The following WSCD1 variants were observed in gnomAD, a reference collection of about 807,000 sequenced individuals.
The protein encoded by WSCD1 is sialate:O-sulfotransferase 1.
A neutral mutation model predicts 60.4 loss-of-function variants in WSCD1; 41 were observed. That is an observed-to-expected ratio of 0.68 (90% CI 0.53 to 0.88). WSCD1 has a LOEUF of 0.88. Ranked by LOEUF, WSCD1 falls within the 40% of genes least tolerant of loss-of-function variation. The pLI is 0.00. For missense variants in WSCD1, 784 were observed against 796.2 expected, an observed-to-expected ratio of 0.98 and a Z score of 0.18; for synonymous variants, 361 against 332.5, an observed-to-expected ratio of 1.09 and a Z score of -0.93.
At position 6,090,326 on chromosome 17, in the gene WSCD1, A is replaced by G; in HGVS notation, c.548A>G (p.Tyr183Cys). 6.3e-7 allele frequency: 1 copy of G among 1,594,584 alleles called. No homozygotes were observed. The highest frequency in any genetic ancestry group is 8.5e-7 in the Non-Finnish European group (1 of 1,171,682). The stretch of plus-strand genomic sequence containing the variant: ...CCCAGGCCTCCTCCCTGCAGGTCCT[A>G]TGTCTACGCCGGCTTGGAGGCCGGG... ...HCQDACAERSYVYAGLEAGAE... is the reference protein window; with the variant it reads ...HCQDACAERSCVYAGLEAGAE... The change falls in exon 4 of 9, where the codon TAT becomes TGT. Residue 183 changes from tyrosine to cysteine, a missense_variant. By Grantham distance (194) the Tyr-to-Cys change is radical. Transcript: ENST00000317744.
intron 2 of WSCD1, among the ~76,000 whole-genome samples, chr17:6,083,456 G>C (rs925961236): frequency 1.3e-5 from 2 of 152,200 alleles, no homozygotes; most frequent in Admixed American, 1.3e-4. Context: ...TGCGAAGTGG[G>C]CTGTGGACTC....
In WSCD1 at chr17:6,088,034, C is replaced by A. The variant is rs2150540886; in HGVS notation, c.472C>A (p.Leu158Met). The change falls in exon 3 of 9, where the codon CTG (leucine) becomes ATG (methionine). Residue 158 changes from leucine (L) to methionine (M), a missense_variant. By Grantham distance (15) the Leu-to-Met change is conservative (BLOSUM62 2). Coordinates refer to ENST00000317744, the MANE Select transcript of WSCD1 (RefSeq NM_015253.2). ...CAGTGACGATGGCCACGAGAGGACT[C>A]TGAAAGGAGCTGTGTTTTATGACTT... The part of the protein sequence containing the change: ...CFSDDGHERT[L>M]KGAVFYDLRK... 1 of 1,614,204 alleles carries A rather than the reference C, an allele frequency of 6.2e-7. No individual in the cohort carries two copies. Among genetic ancestry groups the A allele is most frequent in the Non-Finnish European group, 8.5e-7 (1 of 1,180,040 alleles).
rs1904711656 is a variant in WSCD1 at position 6,121,624 on chromosome 17, C to G, written c.*963C>G. On this transcript the variant is annotated 3_prime_UTR_variant, in exon 9 of 9. Coordinates refer to ENST00000317744, the MANE Select transcript of WSCD1 (RefSeq NM_015253.2). ...AGCCCAGGACCCCTGGGGACCTGTA[C>G]ACTAGCAGGATGGGTCTTGGGAGTT... The G allele has an allele frequency of 6.6e-6, 1 of 152,250 alleles. No individual in the cohort carries two copies. The highest frequency in any genetic ancestry group is 1.5e-5 in the Non-Finnish European group (1 of 68,104). The allele number at this position is 152,250 out of a possible 1,614,324, so 9.4% of individuals were successfully genotyped here.
At chr17:6,086,240 G>A (rs1003218729) in intron 2 of WSCD1, among the ~76,000 whole-genome samples, 16 of 83,248 alleles carry the variant, frequency 1.9e-4, no homozygotes, top group Admixed American at 8.1e-4. Context: ...CAGTAAGACC[G>A]TCCTGACTTC....
chr17:6,120,998 CACA>C lies in WSCD1; in HGVS notation c.*338_*340del. 3.2e-6 allele frequency: 1 copy of C among 316,920 alleles called. No homozygotes were observed. The highest frequency in any genetic ancestry group is 4.5e-5 in the South Asian group (1 of 22,252). 19.6% of individuals were successfully genotyped at this position (316,920 alleles called of 1,614,324 possible). Reference sequence around the variant, plus strand: ...AATGCAGCCACGCACAGACGTAACACACAGGTGCCAGGCCGTGTGCTCCTGGAG... The same window carrying C: ...AATGCAGCCACGCACAGACGTAACACGGTGCCAGGCCGTGTGCTCCTGGAG... On this transcript the variant is annotated 3_prime_UTR_variant, in exon 9 of 9. Coordinates refer to ENST00000317744, the MANE Select transcript of WSCD1 (RefSeq NM_015253.2).
chr17:6,121,295 C>T lies in WSCD1; in HGVS notation c.*634C>T, dbSNP rs1413759099. Reference sequence around the variant, plus strand: ...GTGGTGTGACTACGGGCACCACAAACTCCGCAGCCTTGCCTCTCTTTTCTC... The same window carrying T: ...GTGGTGTGACTACGGGCACCACAAATTCCGCAGCCTTGCCTCTCTTTTCTC... On this transcript the variant is annotated 3_prime_UTR_variant, in exon 9 of 9. Transcript: ENST00000317744. The T allele has an allele frequency of 6.6e-6, 1 of 152,568 alleles. No individual in the cohort carries two copies. The highest frequency in any genetic ancestry group is 2.4e-5 in the African/African-American group (1 of 41,458). The allele number at this position is 152,568 out of a possible 1,614,324, so 9.5% of individuals were successfully genotyped here.
chr17:6,078,393 A>G (rs1909002461), intron 1 of WSCD1, among the ~76,000 whole-genome samples: 1 of 152,216 alleles, frequency 6.6e-6, no homozygotes, highest in Non-Finnish European at 1.5e-5. Flanking sequence ...AGGAATCTTC[A>G]GGGAAGCTTT....
chr17:6,099,291 C>T (rs561229515), intron 5 of WSCD1, among the ~76,000 whole-genome samples: 33 of 151,988 alleles, frequency 2.2e-4, no homozygotes, highest in Non-Finnish European at 3.1e-4. Flanking sequence ...CTGAGGTGGG[C>T]GGATCATGAG....
intron 1 of WSCD1, among the ~76,000 whole-genome samples, chr17:6,072,253 G>A (rs752200172): frequency 6.6e-6 from 1 of 152,246 alleles, no homozygotes; most frequent in Non-Finnish European, 1.5e-5. Context: ...CTTCCTAACC[G>A]AGCAGAAGTG....
chr17:6,089,075 C>T (rs1909851724), intron 3 of WSCD1, among the ~76,000 whole-genome samples: 1 of 152,238 alleles, frequency 6.6e-6, no homozygotes, highest in Non-Finnish European at 1.5e-5. Flanking sequence ...AGCCACCACA[C>T]CCGGCCTCAC....
chr17:6,074,356 A>G (rs1354743929), intron 1 of WSCD1, among the ~76,000 whole-genome samples: 2 of 152,208 alleles, frequency 1.3e-5, no homozygotes, highest in Admixed American at 1.3e-4. Flanking sequence ...TCCAAGACCC[A>G]GAGTTGTTAG....
intron 5 of WSCD1, among the ~76,000 whole-genome samples, chr17:6,096,736 G>C (rs1910461955): frequency 6.6e-6 from 1 of 152,206 alleles, no homozygotes; most frequent in Non-Finnish European, 1.5e-5. Flanking sequence ...TCAGCTGCCG[G>C]CCCTGCTGGT....
At chr17:6,082,874 G>A (rs964705952) in intron 2 of WSCD1, among the ~76,000 whole-genome samples, 6 of 152,182 alleles carry the variant, frequency 3.9e-5, no homozygotes, top group African/African-American at 1.4e-4. Context: ...AGAGAACGGA[G>A]CCCAAGCTGT....
intron 4 of WSCD1, among the ~76,000 whole-genome samples, chr17:6,092,076 C>T (rs1910089008): frequency 6.6e-6 from 1 of 151,274 alleles, no homozygotes; most frequent in South Asian, 2.1e-4. Context: ...ATCGCTTGAA[C>T]CCGGGAGGCG....
intron 4 of WSCD1, among the ~76,000 whole-genome samples, chr17:6,091,414 G>A (rs868587847): frequency 6.6e-5 from 10 of 152,242 alleles, no homozygotes; most frequent in African/African-American, 1.4e-4. Context: ...GGGGCTCAGC[G>A]GAGGGAAGTC....
intron 5 of WSCD1, among the ~76,000 whole-genome samples, chr17:6,096,393 C>G (rs1209551279): frequency 3.9e-5 from 6 of 152,188 alleles, no homozygotes; most frequent in Non-Finnish European, 8.8e-5. Context: ...TCCCGCTCTC[C>G]CTGCTTCATG....
At chr17:6,117,022 T>G (rs967241002) in intron 7 of WSCD1, among the ~76,000 whole-genome samples, 1 of 152,228 alleles carries the variant, frequency 6.6e-6, no homozygotes, top group South Asian at 2.1e-4. Flanking sequence ...TAGCCTGCAC[T>G]TAGGCTATTT....
chr17:6,091,513 C>A (rs895980092), intron 4 of WSCD1, among the ~76,000 whole-genome samples: 4 of 152,074 alleles, frequency 2.6e-5, no homozygotes, highest in Admixed American at 2.6e-4. Flanking sequence ...AGGAATTGGA[C>A]CCTGAAGGGG....
chr17:6,091,543 G>A (rs1224112396), intron 4 of WSCD1, among the ~76,000 whole-genome samples: 4 of 152,162 alleles, frequency 2.6e-5, no homozygotes, highest in Non-Finnish European at 5.9e-5. Flanking sequence ...AAGGAGGAAT[G>A]GGAAACTCAG....
Sources: gnomAD v4.1 joint callset for allele counts (sites outside exome capture counted in the v4.1 genomes callset) on GRCh38, gnomAD v4.1.1 for gene constraint, MANE v1.5 for transcripts, NCBI Gene and HGNC (gene_info 2026-07-23, HGNC 2026-07-21) for gene names.